Variants in SRBD1 observed in about 807,000 individuals in gnomAD.
SRBD1 encodes S1 RNA binding domain 1.
SRBD1 carries 88 observed loss-of-function variants against 115.3 expected under a neutral mutation model. The ratio of observed to expected loss-of-function variants is 0.76; its 90% CI spans 0.64 to 0.91. SRBD1 has a LOEUF of 0.91. Among genes scored for constraint, SRBD1 ranks in the 40% least tolerant of loss-of-function variants. The probability of loss-of-function intolerance (pLI) is 0.00; values close to 1 mark genes in which losing one functional copy is unlikely to be tolerated. For synonymous variants in SRBD1, 509 were observed against 407.7 expected, an observed-to-expected ratio of 1.25 and a Z score of -2.99; for missense variants, 1,385 against 1,177.4, an observed-to-expected ratio of 1.18 and a Z score of -2.58.
chr2:45,535,269 T>C (rs1030890141), intron 14 of SRBD1, among the ~76,000 whole-genome samples: 1 of 152,010 alleles, frequency 6.6e-6, no homozygotes, highest in Non-Finnish European at 1.5e-5. Flanking sequence ...ATTAAGAGAC[T>C]ATCAATAGCT....
At position 45,495,942 on chromosome 2, in the gene SRBD1, C is replaced by A. The variant is rs976261009; in HGVS notation, c.1875-7611G>T. Among the ~76,000 whole-genome samples the A allele has an allele frequency of 4.6e-5, 7 of 152,160 alleles. No individual in the cohort carries two copies. In the East Asian group the frequency reaches 1.3e-3, roughly 29 times the overall value. On this transcript the variant is annotated intron_variant, in intron 14 of 20. Transcript: ENST00000263736. The stretch of plus-strand genomic sequence containing the variant: ...CCACCTGCCATCCCCACAAAGCACC[C>A]AAAAGTTGCTTCTCCTGATTCTTGC...
At chr2:45,427,030 A>C (rs1431931201) in intron 16 of SRBD1, among the ~76,000 whole-genome samples, 1 of 152,212 alleles carries the variant, frequency 6.6e-6, no homozygotes, top group Non-Finnish European at 1.5e-5. Context: ...AGGCTTCAGA[A>C]AGTGGGTAAT....
At chr2:45,419,928 G>C (rs370481739) in intron 16 of SRBD1, 34 bp from the exon 17 acceptor site, 71 of 1,575,564 alleles carry the variant, frequency 4.5e-5, no homozygotes, top group Non-Finnish European at 5.9e-5. Flanking sequence ...TAACAGTGAA[G>C]GAGATGTAGT....
intron 14 of SRBD1, among the ~76,000 whole-genome samples, chr2:45,493,674 C>T (rs991111808): frequency 2.0e-5 from 3 of 151,688 alleles, no homozygotes; most frequent in Admixed American, 1.3e-4. Context: ...ATCAGCCAAG[C>T]GTGGTGGTAC....
intron 8 of SRBD1, 75 bp from the exon 9 acceptor site, chr2:45,573,417 G>A: frequency 5.4e-6 from 8 of 1,482,830 alleles, no homozygotes; most frequent in Admixed American, 2.7e-5. Flanking sequence ...ATAGAAATAA[G>A]GATAGCAAAA....
chr2:45,569,369 T>G (rs758645300), intron 9 of SRBD1: 3 of 152,122 alleles, frequency 2.0e-5, no homozygotes, highest in Non-Finnish European at 4.4e-5. Context: ...ATATTGATAC[T>G]AAACTCAATG....
At chr2:45,503,391 T>G (rs372027342) in intron 14 of SRBD1, among the ~76,000 whole-genome samples, 1 of 152,224 alleles carries the variant, frequency 6.6e-6, no homozygotes, top group African/African-American at 2.4e-5. Context: ...CCTATGGCTT[T>G]TGACATCCTA....
chr2:45,609,193 A>G (rs1374462867), intron 1 of SRBD1, among the ~76,000 whole-genome samples: 2 of 152,248 alleles, frequency 1.3e-5, no homozygotes, highest in East Asian at 1.9e-4. Flanking sequence ...ATGTTTTGAC[A>G]TATGTATACA....
At chr2:45,585,569 T>TA in intron 5 of SRBD1, 39 bp downstream of exon 5, 2 of 1,578,862 alleles carry the variant, frequency 1.3e-6, no homozygotes, top group Non-Finnish European at 1.7e-6. Context: ...ATTGGCCTTT[T>TA]CCCCTTACAC....
intron 16 of SRBD1, among the ~76,000 whole-genome samples, chr2:45,429,789 A>T (rs1221087310): frequency 1.3e-5 from 2 of 152,204 alleles, no homozygotes; most frequent in African/African-American, 2.4e-5. Flanking sequence ...AGTTCTGGCC[A>T]CGGCAATCAG....
chr2:45,543,593 G>A (rs3770292), intron 14 of SRBD1, among the ~76,000 whole-genome samples: 86,364 of 152,058 alleles, frequency 0.57, 25,640 homozygotes, highest in African/African-American at 0.73. Context: ...TTCAATTTCA[G>A]TGTAACTTCA....
intron 9 of SRBD1, among the ~76,000 whole-genome samples, chr2:45,569,745 T>C (rs1484869093): frequency 6.6e-6 from 1 of 152,208 alleles, no homozygotes; most frequent in Non-Finnish European, 1.5e-5. Flanking sequence ...CCCACCTCTT[T>C]GCATTTCTAG....
At chr2:45,565,110 G>A in intron 9 of SRBD1, among the ~76,000 whole-genome samples, 1 of 152,290 alleles carries the variant, frequency 6.6e-6, no homozygotes, top group Non-Finnish European at 1.5e-5. Flanking sequence ...CAATTGGCAT[G>A]TTTTGTGGAA....
chr2:45,463,980 T>C (rs1669403081), intron 16 of SRBD1, among the ~76,000 whole-genome samples: 1 of 152,144 alleles, frequency 6.6e-6, no homozygotes, highest in African/African-American at 2.4e-5. Context: ...AAGTTTTTCT[T>C]GGATAAAGAT....
intron 16 of SRBD1, among the ~76,000 whole-genome samples, chr2:45,432,003 G>GTATT (rs3047186): frequency 0.26 from 37,461 of 142,634 alleles, 5,400 homozygotes; most frequent in East Asian, 0.58. Flanking sequence ...AGAGTTAAAA[G>GTATT]TATTTATTTA....
At chr2:45,406,070 C>G (rs887914630) in intron 19 of SRBD1, among the ~76,000 whole-genome samples, 6 of 152,048 alleles carry the variant, frequency 3.9e-5, no homozygotes, top group African/African-American at 1.4e-4. Flanking sequence ...CTTTATAAAG[C>G]TATTATAAAA....
At chr2:45,437,329 T>C (rs917666097) in intron 16 of SRBD1, among the ~76,000 whole-genome samples, 6 of 128,978 alleles carry the variant, frequency 4.7e-5, no homozygotes, top group Non-Finnish European at 6.4e-5. Flanking sequence ...ACACTAAGCA[T>C]AGTAATCAAG....
intron 2 of SRBD1, among the ~76,000 whole-genome samples, chr2:45,604,954 T>C (rs977132993): frequency 1.3e-5 from 2 of 152,178 alleles, no homozygotes; most frequent in African/African-American, 2.4e-5. Context: ...CAGGAAGCTA[T>C]TGGCATCCAG....
At chr2:45,570,471 C>A (rs942402312) in intron 9 of SRBD1, among the ~76,000 whole-genome samples, 1 of 152,032 alleles carries the variant, frequency 6.6e-6, no homozygotes, top group African/African-American at 2.4e-5. Flanking sequence ...GAGGAGTGTG[C>A]GATACTGTAT....
Sources: gnomAD v4.1 joint callset for allele counts (sites outside exome capture counted in the v4.1 genomes callset) on GRCh38, gnomAD v4.1.1 for gene constraint, MANE v1.5 for transcripts, NCBI Gene and HGNC (gene_info 2026-07-23, HGNC 2026-07-21) for gene names.